Variants in INSR observed in about 807,000 individuals in gnomAD.
The protein encoded by INSR is insulin receptor.
A neutral mutation model predicts 142.6 loss-of-function variants in INSR; 67 were observed. The observed-to-expected ratio is 0.47, with a 90% CI of 0.39 to 0.58. The LOEUF (loss-of-function observed/expected upper bound fraction) is 0.58. Among genes scored for constraint, INSR ranks in the 20% least tolerant of loss-of-function variants. The pLI is 0.00. For missense variants in INSR, 1,248 were observed against 1,833.2 expected, an observed-to-expected ratio of 0.68 and a Z score of 5.83; for synonymous variants, 756 against 743.1, an observed-to-expected ratio of 1.02 and a Z score of -0.28.
chr19:7,241,244 T>C (rs540261876), intron 2 of INSR, among the ~76,000 whole-genome samples: 7 of 151,248 alleles, frequency 4.6e-5, no homozygotes, highest in Admixed American at 4.6e-4. Flanking sequence ...AGTGGTGTGA[T>C]CGTAGCTCAC....
intron 8 of INSR, among the ~76,000 whole-genome samples, chr19:7,164,938 G>T (rs2144935808): frequency 6.6e-6 from 1 of 151,680 alleles, no homozygotes; most frequent in African/African-American, 2.4e-5. Context: ...AGACCATCCT[G>T]GCCAACATGG....
rs73920303 is a variant in INSR, at chr19:7,168,440, T to C, written c.1484-346A>G. Among the ~76,000 whole-genome samples the C allele has an allele frequency of 0.016, 2,502 of 152,304 alleles. 68 individuals are homozygous for C. Among genetic ancestry groups the C allele is most frequent in the African/African-American group, 0.057 (2,364 of 41,578 alleles). ...GGTGATGTTTGTCCTGACACAACGTTGTCTCGCATATGGACTTGTAAGACT... is the reference window on the plus strand; with the variant it reads ...GGTGATGTTTGTCCTGACACAACGTCGTCTCGCATATGGACTTGTAAGACT... On this transcript the variant is annotated intron_variant, in intron 6 of 21. Transcript: ENST00000302850. This position sits in a 1 kb window ranked among gnomAD's most constrained non-coding sequence, Gnocchi z 4.3.
At chr19:7,251,260 T>C (rs930726786) in intron 2 of INSR, among the ~76,000 whole-genome samples, 4 of 152,006 alleles carry the variant, frequency 2.6e-5, no homozygotes, top group African/African-American at 9.7e-5. Context: ...CAATTTATTT[T>C]ATTGTGTTAA....
chr19:7,172,329 C>T lies in INSR; in HGVS notation c.1229G>A (p.Arg410Gln), dbSNP rs181150880. The T allele has an allele frequency of 2.1e-5, 34 of 1,614,100 alleles. No individual in the cohort carries two copies. In the East Asian group the frequency reaches 4.2e-4, roughly 20 times the overall value. ...CTCTCCTCGAATCAGACGTAACTTC[C>T]GGAAGAAGGAAAGTGACACCAGAGC... ...SYALVSLSFFRKLRLIRGETL... is the reference protein window; with the variant it reads ...SYALVSLSFFQKLRLIRGETL... The change falls in exon 5 of 22, where the codon CGG becomes CAG. Residue 410 changes from arginine (R) to glutamine (Q), a missense_variant. Physicochemically the swap from Arg to Gln is conservative, Grantham distance 43. This residue lies in a region of INSR where 1,069 missense variants were observed against 1,654.0 expected (regional missense o/e 0.65). Coordinates refer to ENST00000302850, the MANE Select transcript of INSR (RefSeq NM_000208.4).
rs6413502 is a variant in INSR at position 7,152,706 on chromosome 19, G to T, written c.2231+20C>A. The T allele has an allele frequency of 0.014, 21,657 of 1,601,610 alleles. 498 individuals carry two copies. Among genetic ancestry groups the T allele is most frequent in the African/African-American group, 0.1 (7,661 of 74,660 alleles). On this transcript the variant is annotated intron_variant, in intron 10 of 21. Transcript: ENST00000302850. The stretch of plus-strand genomic sequence containing the variant: ...AAGCCAATTGGCACCCACTAAGAGA[G>T]CCCAGCGCCAAGTCCTGACCTGGGG...
chr19:7,167,962 A>T lies in INSR; in HGVS notation c.1610+6T>A. On this transcript the variant is annotated splice_donor_region_variant and intron_variant, in intron 7 of 21. Transcript: ENST00000302850. The stretch of plus-strand genomic sequence containing the variant: ...TCCTCAGCGTCTCTCTAACTCTTCT[A>T]CTTACGCCTCTTTGTAGAACAGCAT... 1 of 1,613,960 alleles carries T rather than the reference A, an allele frequency of 6.2e-7. No individual in the cohort carries two copies. The highest frequency in any genetic ancestry group is 8.5e-7 in the Non-Finnish European group (1 of 1,179,936).
At chr19:7,228,801 C>A (rs1355528302) in intron 2 of INSR, among the ~76,000 whole-genome samples, 4 of 152,140 alleles carry the variant, frequency 2.6e-5, no homozygotes, top group Admixed American at 2.6e-4. Flanking sequence ...ATGATAGACA[C>A]ACGGATAGAT....
chr19:7,262,988 T>C (rs1000164259), intron 2 of INSR, among the ~76,000 whole-genome samples: 2 of 152,056 alleles, frequency 1.3e-5, no homozygotes, highest in African/African-American at 4.8e-5. Flanking sequence ...TTAAAATGGT[T>C]AAGATGGGGC....
At chr19:7,132,134 G>C in intron 14 of INSR, 24 bp downstream of exon 14, 7 of 1,613,530 alleles carry the variant, frequency 4.3e-6, no homozygotes, top group Non-Finnish European at 5.9e-6. Flanking sequence ...GCCCCAGTCA[G>C]CTGAGGCTGC....
intron 2 of INSR, among the ~76,000 whole-genome samples, chr19:7,221,612 G>A (rs889503006): frequency 6.6e-6 from 1 of 151,924 alleles, no homozygotes; most frequent in African/African-American, 2.4e-5. Flanking sequence ...GGACGCTGAG[G>A]CAGGAGAATC....
chr19:7,172,428 A>G lies in INSR; in HGVS notation c.1130T>C (p.Leu377Pro). The G allele has an allele frequency of 2.5e-6, 4 of 1,614,058 alleles. No individual in the cohort carries two copies. The highest frequency in any genetic ancestry group is 3.4e-6 in the Non-Finnish European group (4 of 1,179,986). ...LIINIRGGNN[L>P]AAELEANLGL... is the part of the protein sequence containing the mutation. ...GAGGTTGGCTTCTAGCTCAGCTGCC[A>G]GATTGTCTAAGGAAAGGAGAGAATA... Residue 377 changes from leucine (L) to proline (P), a missense_variant, in exon 5 of 22, where the codon CTG becomes CCG. By Grantham distance (98) the Leu-to-Pro change is moderately conservative. Transcript: ENST00000302850.
intron 3 of INSR, among the ~76,000 whole-genome samples, chr19:7,180,049 G>A (rs1366232701): frequency 2.6e-5 from 4 of 152,190 alleles, no homozygotes; most frequent in African/African-American, 9.6e-5. Context: ...GACACAAGAG[G>A]CTCCCCTAAA....
chr19:7,185,494 A>G (rs188716023), intron 2 of INSR, among the ~76,000 whole-genome samples: 2 of 152,304 alleles, frequency 1.3e-5, no homozygotes, highest in East Asian at 3.9e-4. Context: ...AAGTGGCTGC[A>G]GATCCTGCCT....
At chr19:7,143,132 C>T in intron 11 of INSR, 42 bp from the exon 12 acceptor site, 1 of 1,607,848 alleles carries the variant, frequency 6.2e-7, no homozygotes, top group Non-Finnish European at 8.5e-7. Context: ...CCATCACCAT[C>T]ATTTTTTTTA....
At chr19:7,266,365 G>A (rs1967725435) in intron 2 of INSR, among the ~76,000 whole-genome samples, 1 of 149,920 alleles carries the variant, frequency 6.7e-6, no homozygotes, top group African/African-American at 2.5e-5. Context: ...CACTCTCTTT[G>A]TGAAAACTAG....
At position 7,184,399 on chromosome 19, in the gene INSR, C is replaced by T. The variant is rs1024295249; in HGVS notation, c.891G>A (p.Arg297=). 1 of 1,613,964 alleles carries T rather than the reference C, an allele frequency of 6.2e-7. No individual in the cohort carries two copies. Residue 297 remains arginine, a synonymous_variant, in exon 3 of 22, where the codon CGG becomes CGA. Coordinates refer to ENST00000302850, the MANE Select transcript of INSR (RefSeq NM_000208.4). ...TGACGTACTGGTGGCAGCCCTGCCT[C>T]CGCGAGTTCTTGCATTTGTGGTGCA... The part of the protein sequence containing the change: ...QDLHHKCKNS[R]RQGCHQYVIH...
At chr19:7,206,811 C>T (rs193122290) in intron 2 of INSR, among the ~76,000 whole-genome samples, 6 of 152,206 alleles carry the variant, frequency 3.9e-5, no homozygotes, top group Admixed American at 2.6e-4. Context: ...ATAAATAAAA[C>T]GGGTGACACG....
chr19:7,138,452 A>G (rs531652453), intron 13 of INSR, among the ~76,000 whole-genome samples: 1 of 152,192 alleles, frequency 6.6e-6, no homozygotes, highest in South Asian at 2.1e-4. Flanking sequence ...ACAGCCCACT[A>G]TAACCTGGAG....
At chr19:7,291,063 C>A (rs1191405222) in intron 1 of INSR, among the ~76,000 whole-genome samples, 3 of 150,036 alleles carry the variant, frequency 2.0e-5, no homozygotes, top group Non-Finnish European at 4.4e-5. Flanking sequence ...GAGCAAGACT[C>A]CGTCTCAAAA....
Sources: allele counts gnomAD v4.1 joint callset (sites outside exome capture counted in the v4.1 genomes callset), GRCh38; gene constraint gnomAD v4.1.1; regional missense constraint gnomAD v4.1.1; non-coding constraint Gnocchi (gnomAD v3.1); transcripts MANE v1.5; gene names NCBI Gene and HGNC (gene_info 2026-07-23, HGNC 2026-07-21).